The following MYBPC1 variants were observed in gnomAD, a reference collection of about 807,000 sequenced individuals.
The protein encoded by MYBPC1 is myosin-binding protein C, slow-type.
A neutral mutation model predicts 147.1 loss-of-function variants in MYBPC1; 52 were observed. The observed-to-expected ratio is 0.35, with a 90% CI of 0.28 to 0.45. The LOEUF is 0.45. Among genes scored for constraint, MYBPC1 ranks in the 20% least tolerant of loss-of-function variants. MYBPC1 has a pLI of 1.00. For missense variants in MYBPC1, 1,228 were observed against 1,440.3 expected (o/e 0.85, Z 2.39); for synonymous variants, 477 against 475.9 (o/e 1.00, Z -0.03).
rs1287249471 is a variant in MYBPC1, at chr12:101,607,840, GTTAA to G, written c.26-6649_26-6646del. Among the ~76,000 whole-genome samples the G allele has an allele frequency of 3.3e-5, 5 of 152,278 alleles. No individual in the cohort carries two copies. In the South Asian group the frequency reaches 8.3e-4, roughly 25 times the overall value. ...GACGCAGACATATAAAAAGAGACAGGTTAATTAATTTTAAGACGTAAGATTTCTT... is the reference window on the plus strand; with the variant it reads ...GACGCAGACATATAAAAAGAGACAGGTTAATTTTAAGACGTAAGATTTCTT... On this transcript the variant is annotated intron_variant, in intron 1 of 31. Transcript: ENST00000361466.
Position 101,629,557 on chromosome 12 carries a change from C to T in MYBPC1, c.289+13C>T. 1 of 1,570,298 alleles carries T rather than the reference C, an allele frequency of 6.4e-7. No homozygotes were observed. Among genetic ancestry groups the T allele is most frequent in the Non-Finnish European group, 8.8e-7 (1 of 1,140,636 alleles). ...ACAGTGAAAGTTGGTGAGTGCCTAGCATTCAATCCTTCCTTTTTTAAAAAA... is the reference window on the plus strand; with the variant it reads ...ACAGTGAAAGTTGGTGAGTGCCTAGTATTCAATCCTTCCTTTTTTAAAAAA... On this transcript the variant is annotated intron_variant, in intron 6 of 31. Transcript: ENST00000361466.
chr12:101,627,959 A>C (rs1476747495), intron 5 of MYBPC1, 155 bp downstream of exon 5: 2 of 866,828 alleles, frequency 2.3e-6, no homozygotes, highest in South Asian at 1.5e-5. Flanking sequence ...AAGAAAACTA[A>C]TGTATTGAGA....
the MYBPC1 span, among the ~76,000 whole-genome samples, chr12:101,695,621 A>T: frequency 6.6e-5 from 10 of 151,288 alleles, no homozygotes; most frequent in South Asian, 2.1e-4. Context: ...CTGTCCTCTT[A>T]CTCCTTCCTG....
intron 22 of MYBPC1, 152 bp from the exon 23 acceptor site, chr12:101,667,580 A>C: frequency 1.3e-6 from 1 of 795,668 alleles, no homozygotes; most frequent in Non-Finnish European, 2.1e-6. Context: ...ATGTCCACCC[A>C]TGTAGTCGGA....
At chr12:101,654,802 T>G (rs8181724) in intron 18 of MYBPC1, among the ~76,000 whole-genome samples, 1 of 152,140 alleles carries the variant, frequency 6.6e-6, no homozygotes, top group Non-Finnish European at 1.5e-5. Context: ...CACAGTGCAT[T>G]GAGTAGAGTA....
chr12:101,692,233 G>C, the MYBPC1 span, among the ~76,000 whole-genome samples: 3,300 of 152,188 alleles, frequency 0.022, 55 homozygotes, highest in Non-Finnish European at 0.032. Flanking sequence ...CTTTATCAAA[G>C]GCTTCTGAAC....
intron 15 of MYBPC1, 47 bp downstream of exon 15, chr12:101,649,473 T>C (rs763923054): frequency 6.3e-7 from 1 of 1,598,584 alleles, no homozygotes; most frequent in South Asian, 1.1e-5. Context: ...TTATTAATGA[T>C]GGTTGTGTTA....
chr12:101,625,479 G>A (rs1319930207), intron 3 of MYBPC1, among the ~76,000 whole-genome samples: 1 of 152,152 alleles, frequency 6.6e-6, no homozygotes, highest in Non-Finnish European at 1.5e-5. Context: ...ACTAACTGGA[G>A]AGATTTTATT....
intron 22 of MYBPC1, chr12:101,666,922 C>CAA: frequency 2.5e-6 from 1 of 406,680 alleles, no homozygotes. Context: ...CACACACACA[C>CAA]ACACACATAC....
rs549879410 is a variant in MYBPC1 at position 101,618,793 on chromosome 12, T to C, written c.103+1550T>C. 4.6e-4 allele frequency among the ~76,000 whole-genome samples: 70 copies of C among 152,068 alleles called. 2 individuals carry two copies. Among genetic ancestry groups the C allele is most frequent in the African/African-American group, 1.5e-3 (62 of 41,452 alleles). On this transcript the variant is annotated intron_variant, in intron 3 of 31. Coordinates refer to ENST00000361466, the MANE Select transcript of MYBPC1 (RefSeq NM_002465.4). ...TGAAATTAGTAGCATTTTTCTGACG[T>C]TTGCAGAAGATAAGCAAAACCATGA...
At chr12:101,661,318 G>T in intron 20 of MYBPC1, 56 bp downstream of exon 20, 1 of 1,106,576 alleles carries the variant, frequency 9.0e-7, no homozygotes, top group South Asian at 1.3e-5. Context: ...TCCTCTTTAC[G>T]CATCTTAGTA....
intron 9 of MYBPC1, among the ~76,000 whole-genome samples, chr12:101,635,236 A>G (rs1890753253): frequency 6.6e-6 from 1 of 152,184 alleles, no homozygotes; most frequent in South Asian, 2.1e-4. Context: ...TCTCTGAGAA[A>G]TATAACCAGC....
rs1900444660 is a variant in MYBPC1, at chr12:101,678,268, A to C, written c.3246+30A>C. On this transcript the variant is annotated intron_variant, in intron 28 of 31. Coordinates refer to ENST00000361466, the MANE Select transcript of MYBPC1 (RefSeq NM_002465.4). Reference sequence around the variant, plus strand: ...CATGTTCTTCTATCACATCAGTTAAAGTCCCTGTCTTGTATTTGTTGTGTT... The same window carrying C: ...CATGTTCTTCTATCACATCAGTTAACGTCCCTGTCTTGTATTTGTTGTGTT... 3 of 1,611,928 alleles carry C rather than the reference A, an allele frequency of 1.9e-6. No homozygotes were observed. The East Asian group carries it at 6.7e-5, about 36-fold the overall frequency.
rs76163481 is a variant in MYBPC1, at chr12:101,667,037, T to A, written c.2357-695T>A. 7.0e-3 allele frequency among the ~76,000 whole-genome samples: 1,067 copies of A among 152,270 alleles called. 16 individuals carry two copies. Among genetic ancestry groups the A allele is most frequent in the African/African-American group, 0.025 (1,027 of 41,554 alleles). ...GGCAAAATGCATACTAACTTTTAGA[T>A]GCTGAAACATTTGTAAGCCCTGAAT... On this transcript the variant is annotated intron_variant, in intron 22 of 31. Transcript: ENST00000361466.
At chr12:101,687,654 G>A (rs1951371233), downstream of MYBPC1, among the ~76,000 whole-genome samples, 2 of 152,230 alleles carry the variant, frequency 1.3e-5, no homozygotes, top group African/African-American at 4.8e-5. Context: ...CCAAAGAAAT[G>A]ACAATGTGGC....
chr12:101,682,554 A>C, intron 29 of MYBPC1, 50 bp from the exon 30 acceptor site: 1 of 1,539,450 alleles, frequency 6.5e-7, no homozygotes, highest in African/African-American at 1.4e-5. Context: ...AAAGGTAAGA[A>C]TGTCAACTGA....
In MYBPC1 at chr12:101,655,978, A is replaced by G. The variant is rs142749859; in HGVS notation, c.1767+2730A>G. Among the ~76,000 whole-genome samples the G allele has an allele frequency of 2.3e-3, 357 of 152,256 alleles. 1 individual carries two copies. Among genetic ancestry groups the G allele is most frequent in the African/African-American group, 8.1e-3 (336 of 41,580 alleles). ...AATGTATTCAATTAGGTATGCTTATATAGTTATATTTATGTATTTTATATA... is the reference window on the plus strand; with the variant it reads ...AATGTATTCAATTAGGTATGCTTATGTAGTTATATTTATGTATTTTATATA... On this transcript the variant is annotated intron_variant, in intron 18 of 31. Coordinates refer to ENST00000361466, the MANE Select transcript of MYBPC1 (RefSeq NM_002465.4).
the MYBPC1 span, among the ~76,000 whole-genome samples, chr12:101,692,800 G>C: frequency 1.5e-3 from 235 of 152,288 alleles, no homozygotes; most frequent in African/African-American, 5.5e-3. Context: ...GTATGTTAGA[G>C]TGGGGTAAGG....
Position 101,595,080 on chromosome 12 carries a change from C to T in MYBPC1, c.10C>T (p.Pro4Ser). 6.2e-7 allele frequency: 1 copy of T among 1,612,824 alleles called. No homozygotes were observed. The highest frequency in any genetic ancestry group is 8.5e-7 in the Non-Finnish European group (1 of 1,179,116). ...ACATCTTATTGTGGCCATGCCAGAACCCACTAAGAAAGAGGGTAAGACTTA... is the reference window on the plus strand; with the variant it reads ...ACATCTTATTGTGGCCATGCCAGAATCCACTAAGAAAGAGGGTAAGACTTA... MPE[P>S]TKKEENEVPA... Residue 4 changes from proline (P) to serine (S), a missense_variant, in exon 1 of 32, where the codon CCC becomes TCC. Physicochemically the swap from Pro to Ser is moderately conservative, Grantham distance 74. Around this residue, in one of 2 missense-constraint regions of MYBPC1, gnomAD observed 151 missense variants for 126.1 expected, o/e 1.20. Coordinates refer to ENST00000361466, the MANE Select transcript of MYBPC1 (RefSeq NM_002465.4).
Sources: gnomAD v4.1 joint callset for allele counts (sites outside exome capture counted in the v4.1 genomes callset) on GRCh38, gnomAD v4.1.1 for gene constraint, gnomAD v4.1.1 regional missense constraint, MANE v1.5 for transcripts, NCBI Gene and HGNC (gene_info 2026-07-23, HGNC 2026-07-21) for gene names.